Variants in TMEM132D observed in about 807,000 individuals in gnomAD.
The protein encoded by TMEM132D is mature OL transmembrane protein.
In TMEM132D, 21 loss-of-function variants were observed where a neutral mutation model predicts 62.3. The ratio of observed to expected loss-of-function variants is 0.34; its 90% CI spans 0.24 to 0.49. TMEM132D has a LOEUF of 0.49. Ranked by LOEUF, TMEM132D falls within the 20% of genes least tolerant of loss-of-function variation. The pLI, the probability that TMEM132D is intolerant of heterozygous loss-of-function variation, is 0.99. For missense variants in TMEM132D, 1,346 were observed against 1,402.8 expected (o/e 0.96, Z 0.65); for synonymous variants, 621 against 575.6 (o/e 1.08, Z -1.13).
chr12:129,771,977 G>C lies in TMEM132D; in HGVS notation c.80-71279C>G, dbSNP rs551748572. On this transcript the variant is annotated intron_variant, in intron 1 of 8. Coordinates refer to ENST00000422113, the MANE Select transcript of TMEM132D (RefSeq NM_133448.3). Reference sequence around the variant, plus strand: ...AAATAACCTAAGTTATATAAACAAAGGACGGCAGTGATATCTCCCCCAAGA... The same window carrying C: ...AAATAACCTAAGTTATATAAACAAACGACGGCAGTGATATCTCCCCCAAGA... 2.6e-3 allele frequency among the ~76,000 whole-genome samples: 390 copies of C among 152,202 alleles called. 2 individuals are homozygous for C. Among genetic ancestry groups the C allele is most frequent in the African/African-American group, 9.0e-3 (374 of 41,530 alleles).
At chr12:129,362,707 G>A (rs1254514617) in intron 3 of TMEM132D, among the ~76,000 whole-genome samples, 2 of 151,994 alleles carry the variant, frequency 1.3e-5, no homozygotes, top group Non-Finnish European at 2.9e-5. Context: ...CAGGTATCTG[G>A]GATGCCTTAA....
intron 5 of TMEM132D, among the ~76,000 whole-genome samples, chr12:129,178,926 C>T (rs1307240442): frequency 2.0e-5 from 3 of 152,142 alleles, no homozygotes; most frequent in African/African-American, 7.2e-5. Flanking sequence ...ACTTGTGCAG[C>T]GGGGCTTTTG....
intron 1 of TMEM132D, among the ~76,000 whole-genome samples, chr12:129,833,547 C>T (rs1015785439): frequency 2.0e-5 from 3 of 152,160 alleles, no homozygotes; most frequent in Admixed American, 6.5e-5. Context: ...ATCGCTTGAG[C>T]CCAGGAGTTC....
intron 5 of TMEM132D, among the ~76,000 whole-genome samples, chr12:129,129,173 A>T (rs886279045): frequency 1.3e-5 from 2 of 151,920 alleles, no homozygotes; most frequent in African/African-American, 4.8e-5. Flanking sequence ...CCCTGTGTCT[A>T]TTGTTGACAT....
intron 5 of TMEM132D, among the ~76,000 whole-genome samples, chr12:129,168,068 T>C (rs1024739364): frequency 2.0e-5 from 3 of 152,214 alleles, no homozygotes; most frequent in Non-Finnish European, 2.9e-5. Context: ...TTCACTGAGA[T>C]AAAATGACAA....
intron 1 of TMEM132D, among the ~76,000 whole-genome samples, chr12:129,868,052 A>ACAGAGTTTCTATGGTACACACATGAGG (rs1566013898): frequency 4.0e-5 from 6 of 151,326 alleles, no homozygotes; most frequent in Non-Finnish European, 7.4e-5. Flanking sequence ...CACACATGAG[A>ACAGAGTTTCTATGGTACACACATGAGG]CAGCGTTTCT....
chr12:129,121,657 C>T (rs1312508238), intron 5 of TMEM132D, among the ~76,000 whole-genome samples: 1 of 151,944 alleles, frequency 6.6e-6, no homozygotes, highest in African/African-American at 2.4e-5. Flanking sequence ...TCTCCAAGAC[C>T]CAGAGAAGGA....
intron 1 of TMEM132D, among the ~76,000 whole-genome samples, chr12:129,875,743 T>C (rs1874398865): frequency 6.6e-6 from 1 of 152,136 alleles, no homozygotes; most frequent in South Asian, 2.1e-4. Context: ...GCAGTGAGAA[T>C]GCCAGCCCAG....
At chr12:129,342,506 T>C (rs1422412916) in intron 3 of TMEM132D, among the ~76,000 whole-genome samples, 1 of 152,106 alleles carries the variant, frequency 6.6e-6, no homozygotes, top group Non-Finnish European at 1.5e-5. Context: ...ATTCAGGACA[T>C]AGGCATGGGC....
chr12:129,409,774 G>T (rs996745183), intron 3 of TMEM132D, among the ~76,000 whole-genome samples: 1 of 152,192 alleles, frequency 6.6e-6, no homozygotes, highest in Admixed American at 6.5e-5. Flanking sequence ...ATGTTACCGA[G>T]CTTCCCCATT....
At chr12:129,185,769 G>GTCTT (rs1271637169) in intron 5 of TMEM132D, among the ~76,000 whole-genome samples, 1 of 103,076 alleles carries the variant, frequency 9.7e-6, no homozygotes, top group Non-Finnish European at 2.2e-5. Flanking sequence ...TCATCTGTCT[G>GTCTT]TCTGTCTATC....
chr12:129,842,617 T>C (rs1873231694), intron 1 of TMEM132D, among the ~76,000 whole-genome samples: 1 of 151,908 alleles, frequency 6.6e-6, no homozygotes, highest in African/African-American at 2.4e-5. Context: ...TACAGGCACA[T>C]GACACCATGC....
chr12:129,135,356 G>C (rs1876527774), intron 5 of TMEM132D, among the ~76,000 whole-genome samples: 1 of 152,174 alleles, frequency 6.6e-6, no homozygotes, highest in Non-Finnish European at 1.5e-5. Flanking sequence ...CTCCTCTAGA[G>C]TTAGACTCCT....
rs188640427 is a variant in TMEM132D, at chr12:129,209,452, G to A, written c.1443+68C>T. ...GTCCCAGAGGTCCCAGAGGTCCCAA[G>A]CTGGTCCAGGAGCACAGAAGCTGAC... On this transcript the variant is annotated intron_variant, in intron 5 of 8. Transcript: ENST00000422113. 179 of 1,591,548 alleles carry A rather than the reference G, an allele frequency of 1.1e-4. No individual in the cohort carries two copies. The East Asian group carries it at 3.5e-3, about 31-fold the overall frequency.
intron 2 of TMEM132D, among the ~76,000 whole-genome samples, chr12:129,665,111 T>C (rs1282428613): frequency 6.6e-6 from 1 of 152,016 alleles, no homozygotes; most frequent in African/African-American, 2.4e-5. Context: ...TGTGTAAAAA[T>C]GGGCATGGTT....
chr12:129,330,049 ATT>A lies in TMEM132D; in HGVS notation c.1299+7583_1299+7584del, dbSNP rs1389900844. Among the ~76,000 whole-genome samples, 4 of 152,320 alleles carry A rather than the reference ATT, an allele frequency of 2.6e-5. No individual in the cohort carries two copies. The East Asian group carries it at 7.7e-4, about 29-fold the overall frequency. On this transcript the variant is annotated intron_variant, in intron 4 of 8. Transcript: ENST00000422113. ...ATGGAAATTTTCTACCGAATCACAGATTTAAAGAACATGCCTTAATCGAGAAG... is the reference window on the plus strand; with the variant it reads ...ATGGAAATTTTCTACCGAATCACAGATAAAGAACATGCCTTAATCGAGAAG...
chr12:129,590,679 A>G (rs1029671419), intron 2 of TMEM132D, among the ~76,000 whole-genome samples: 1 of 152,172 alleles, frequency 6.6e-6, no homozygotes, highest in Admixed American at 6.5e-5. Flanking sequence ...GTTTTTCCTT[A>G]GGCTGTCGGG....
intron 5 of TMEM132D, among the ~76,000 whole-genome samples, chr12:129,094,498 G>A (rs898605274): frequency 2.0e-5 from 3 of 152,168 alleles, no homozygotes; most frequent in Admixed American, 6.5e-5. Flanking sequence ...TCTTACACCC[G>A]TTAGAATGGT....
At chr12:129,797,287 C>T (rs1871594466) in intron 1 of TMEM132D, among the ~76,000 whole-genome samples, 1 of 152,202 alleles carries the variant, frequency 6.6e-6, no homozygotes, top group African/African-American at 2.4e-5. Flanking sequence ...TACCTGTTTC[C>T]TGTGAATTCA....
Sources: gnomAD v4.1 joint callset for allele counts (sites outside exome capture counted in the v4.1 genomes callset) on GRCh38, gnomAD v4.1.1 for gene constraint, MANE v1.5 for transcripts, NCBI Gene and HGNC (gene_info 2026-07-23, HGNC 2026-07-21) for gene names.